The following FANCA variants were observed in gnomAD, a reference collection of about 807,000 sequenced individuals.
The protein encoded by FANCA is FA complementation group A, also known as Fanconi anemia group A protein.
Under a neutral mutation model 194.3 loss-of-function variants are expected in FANCA, and 236 were observed. That is an observed-to-expected ratio of 1.21 (90% CI 1.09 to 1.35). The LOEUF (loss-of-function observed/expected upper bound fraction) is 1.35, where lower values mean the gene tolerates loss of function less well. Among genes scored for constraint, FANCA ranks in the 40% most tolerant of loss-of-function variants. The pLI is 0.00. For missense variants in FANCA, 2,628 were observed against 1,813.9 expected, an observed-to-expected ratio of 1.45 and a Z score of -8.15; for synonymous variants, 1,014 against 715.8, an observed-to-expected ratio of 1.42 and a Z score of -6.65.
intron 36 of FANCA, among the ~76,000 whole-genome samples, chr16:89,743,414 C>T (rs1220677980): frequency 1.3e-5 from 2 of 152,204 alleles, no homozygotes; most frequent in Non-Finnish European, 2.9e-5. Context: ...GTTTAAGAGA[C>T]TTTAAATAAG....
At position 89,786,913 on chromosome 16, in the gene FANCA, A is replaced by C. The variant is rs533098943; in HGVS notation, c.1360-1949T>G. ...AGCACACCATGTCTTATCACCCTCC[A>C]TTCAGCCATCCACAACACAACTGCT... On this transcript the variant is annotated intron_variant, in intron 14 of 42. Transcript: ENST00000389301. Among the ~76,000 whole-genome samples, 3 of 152,242 alleles carry C rather than the reference A, an allele frequency of 2.0e-5. No homozygotes were observed. The South Asian group carries it at 6.2e-4, about 32-fold the overall frequency.
intron 2 of FANCA, 122 bp downstream of exon 2, chr16:89,815,755 C>T (rs1169185844): frequency 4.9e-6 from 4 of 819,598 alleles, no homozygotes; most frequent in African/African-American, 3.3e-5. Context: ...CGACCCTCCC[C>T]TCTGCGGGCC....
chr16:89,812,646 C>CAAAAAAAAAAAAAAAAAAAAACAAA (rs2040932694), intron 3 of FANCA, among the ~76,000 whole-genome samples: 1 of 42,358 alleles, frequency 2.4e-5, no homozygotes, highest in African/African-American at 6.4e-5. Context: ...TACTCCGTCT[C>CAAAAAAAAAAAAAAAAAAAAACAAA]AAAAAAAAAA....
rs200217850 is a variant in FANCA at position 89,748,640 on chromosome 16, G to A, written c.3348+19C>T. ...AGGCACTGACAGATCGGACGGACACGTGCACACGGGGCACCTACCATCTCA... is the reference window on the plus strand; with the variant it reads ...AGGCACTGACAGATCGGACGGACACATGCACACGGGGCACCTACCATCTCA... On this transcript the variant is annotated intron_variant, in intron 33 of 42. Transcript: ENST00000389301. 8.3e-5 allele frequency: 132 copies of A among 1,591,290 alleles called. No homozygotes were observed. In the East Asian group the frequency reaches 1.8e-3, roughly 22 times the overall value.
intron 8 of FANCA, among the ~76,000 whole-genome samples, chr16:89,800,501 G>A (rs2040407556): frequency 6.6e-6 from 1 of 152,164 alleles, no homozygotes. Context: ...CAGATTCAAT[G>A]CAATCCCTAT....
At chr16:89,743,720 G>C (rs1193328272) in intron 36 of FANCA, among the ~76,000 whole-genome samples, 1 of 152,042 alleles carries the variant, frequency 6.6e-6, no homozygotes, top group Non-Finnish European at 1.5e-5. Context: ...CTACTCAGGA[G>C]ACTGAGGCAG....
Position 89,758,685 on chromosome 16 carries a change from GCCCACTGGTGGAAGT to G in FANCA, c.2858_2872del (p.Asp953_Trp957del). Reference sequence around the variant, plus strand: ...CTCAGGGAGAAAGTGCTCATGGATCGCCCACTGGTGGAAGTCCTGCCTAGAACAGCAAACACTGCT... The same window carrying G: ...CTCAGGGAGAAAGTGCTCATGGATCGCCTGCCTAGAACAGCAAACACTGCT... On this transcript the variant is annotated inframe_deletion, in exon 30 of 43. Transcript: ENST00000389301. 6.2e-7 allele frequency: 1 copy of G among 1,613,758 alleles called. No individual in the cohort carries two copies. Among genetic ancestry groups the G allele is most frequent in the South Asian group, 1.1e-5 (1 of 91,074 alleles).
At chr16:89,809,195 T>G (rs1399801262) in intron 5 of FANCA, among the ~76,000 whole-genome samples, 1 of 151,306 alleles carries the variant, frequency 6.6e-6, no homozygotes, top group African/African-American at 2.4e-5. Flanking sequence ...TGTGAGCCAC[T>G]GGGCCCGGCC....
intron 14 of FANCA, among the ~76,000 whole-genome samples, chr16:89,786,767 C>T (rs545524851): frequency 6.6e-6 from 1 of 152,284 alleles, no homozygotes; most frequent in African/African-American, 2.4e-5. Flanking sequence ...ACTGTCTGTG[C>T]CAAATACCAG....
intron 6 of FANCA, among the ~76,000 whole-genome samples, chr16:89,805,882 C>G (rs2040621742): frequency 6.6e-6 from 1 of 151,906 alleles, no homozygotes; most frequent in African/African-American, 2.4e-5. Flanking sequence ...TTCAGCCCTT[C>G]TAAATTTATT....
intron 10 of FANCA, among the ~76,000 whole-genome samples, chr16:89,796,646 AC>A (rs2040258206): frequency 6.6e-6 from 1 of 152,208 alleles, no homozygotes; most frequent in Admixed American, 6.5e-5. Flanking sequence ...TATACAGACC[AC>A]CAAACCAAAC....
intron 26 of FANCA, 130 bp from the exon 27 acceptor site, chr16:89,767,367 GTTTTTTGGTTCGTTTGTTGTGA>G: frequency 1.4e-6 from 1 of 710,758 alleles, no homozygotes; most frequent in East Asian, 2.8e-5. Context: ...TTGGTCCTTC[GTTTTTTGGTTCGTTTGTTGTGA>G]GACAGTCTTG....
At chr16:89,775,276 G>A (rs1190948250) in intron 21 of FANCA, among the ~76,000 whole-genome samples, 1 of 152,178 alleles carries the variant, frequency 6.6e-6, no homozygotes, top group African/African-American at 2.4e-5. Flanking sequence ...TGAGGGCGTA[G>A]GTCTGACCGA....
intron 20 of FANCA, among the ~76,000 whole-genome samples, chr16:89,776,078 G>A (rs2039491519): frequency 6.6e-6 from 1 of 150,856 alleles, no homozygotes; most frequent in South Asian, 2.1e-4. Context: ...TTATCCCTGG[G>A]CAGTGAAATT....
chr16:89,775,465 G>A (rs1391905032), intron 21 of FANCA, among the ~76,000 whole-genome samples: 1 of 152,218 alleles, frequency 6.6e-6, no homozygotes, highest in Non-Finnish European at 1.5e-5. Flanking sequence ...CCTCAGTGCG[G>A]CCCACAGGAA....
intron 36 of FANCA, 82 bp from the exon 37 acceptor site, chr16:89,743,020 G>A: frequency 1.3e-6 from 2 of 1,519,338 alleles, no homozygotes; most frequent in Non-Finnish European, 1.8e-6. Context: ...ATTCCCACCT[G>A]TCACCTTTGG....
intron 31 of FANCA, 28 bp from the exon 32 acceptor site, chr16:89,749,930 G>T (rs1406041026): frequency 6.2e-7 from 1 of 1,612,884 alleles, no homozygotes; most frequent in African/African-American, 1.3e-5. Flanking sequence ...GCTGGCACAG[G>T]AAGGCCTCGG....
At chr16:89,767,288 T>C (rs767850312) in intron 26 of FANCA, 51 bp from the exon 27 acceptor site, 2 of 1,319,504 alleles carry the variant, frequency 1.5e-6, no homozygotes, top group East Asian at 2.3e-5. Flanking sequence ...AAATAAGGGA[T>C]GAAGGAAAAA....
chr16:89,796,002 C>G lies in FANCA; in HGVS notation c.910G>C (p.Gly304Arg), dbSNP rs775212719. 12 of 1,614,002 alleles carry G rather than the reference C, an allele frequency of 7.4e-6. No homozygotes were observed. The highest frequency in any genetic ancestry group is 5.9e-6 in the Non-Finnish European group (7 of 1,179,882). Residue 304 changes from glycine to arginine, a missense_variant, in exon 11 of 43, where the codon GGA becomes CGA. Coordinates refer to ENST00000389301, the MANE Select transcript of FANCA (RefSeq NM_000135.4). ...GAAATTACACTGCCAAGCGTGTGTCCACTGAACACTCCGAACCTGCCAATG... is the reference window on the plus strand; with the variant it reads ...GAAATTACACTGCCAAGCGTGTGTCGACTGAACACTCCGAACCTGCCAATG... ...IVRCWFGVFS[G>R]HTLGSVISTD...
Sources: allele counts gnomAD v4.1 joint callset (sites outside exome capture counted in the v4.1 genomes callset), GRCh38; gene constraint gnomAD v4.1.1; transcripts MANE v1.5; gene names NCBI Gene and HGNC (gene_info 2026-07-23, HGNC 2026-07-21).